EXOC4: variants seen among roughly 807,000 people sequenced by gnomAD.
EXOC4 encodes exocyst complex component 4.
A neutral mutation model predicts 107.2 loss-of-function variants in EXOC4; 71 were observed. The observed-to-expected ratio is 0.66, with a 90% CI of 0.55 to 0.81. The LOEUF (loss-of-function observed/expected upper bound fraction) is 0.81. EXOC4 is among the 30% of genes least tolerant of loss of function. EXOC4 has a pLI of 0.00. For missense variants in EXOC4, 1,108 were observed against 1,189.6 expected (o/e 0.93, Z 1.01); for synonymous variants, 456 against 441.2 (o/e 1.03, Z -0.42).
At chr7:133,528,825 A>G (rs1200403471) in intron 9 of EXOC4, among the ~76,000 whole-genome samples, 1 of 152,152 alleles carries the variant, frequency 6.6e-6, no homozygotes, top group Non-Finnish European at 1.5e-5. Context: ...TGAATGTGCA[A>G]GGGTTTTTTT....
chr7:134,026,297 G>A (rs190146258), intron 17 of EXOC4, among the ~76,000 whole-genome samples: 26 of 151,522 alleles, frequency 1.7e-4, no homozygotes, highest in African/African-American at 6.3e-4. Context: ...ACTCATAGCT[G>A]GAAATCTTAG....
chr7:133,485,035 G>A (rs956663256), intron 9 of EXOC4, among the ~76,000 whole-genome samples: 21 of 142,156 alleles, frequency 1.5e-4, no homozygotes, highest in African/African-American at 3.5e-4. Context: ...AGCCGAGATC[G>A]CGCCACTGTA....
intron 11 of EXOC4, among the ~76,000 whole-genome samples, chr7:133,869,131 G>A (rs902476828): frequency 1.3e-4 from 19 of 151,838 alleles, no homozygotes; most frequent in African/African-American, 4.6e-4. Context: ...AGCACTCAGG[G>A]TCATGATGAA....
chr7:133,497,362 C>G (rs1799497166), intron 9 of EXOC4, among the ~76,000 whole-genome samples: 1 of 151,774 alleles, frequency 6.6e-6, no homozygotes, highest in South Asian at 2.1e-4. Flanking sequence ...TAGGCTAGCT[C>G]TCTTGTTGTA....
At chr7:133,551,079 T>C (rs1190819021) in intron 9 of EXOC4, among the ~76,000 whole-genome samples, 2 of 152,122 alleles carry the variant, frequency 1.3e-5, no homozygotes, top group Non-Finnish European at 2.9e-5. Flanking sequence ...TCCCACACTA[T>C]TCTAAGCCAG....
chr7:133,465,763 C>A (rs912519541), intron 7 of EXOC4, among the ~76,000 whole-genome samples: 1 of 152,070 alleles, frequency 6.6e-6, no homozygotes, highest in African/African-American at 2.4e-5. Flanking sequence ...GGAAATAAGA[C>A]AACAAACTTC....
intron 7 of EXOC4, among the ~76,000 whole-genome samples, chr7:133,450,283 G>A (rs1798312429): frequency 6.6e-6 from 1 of 151,940 alleles, no homozygotes; most frequent in African/African-American, 2.4e-5. Flanking sequence ...CCTGCCTCAG[G>A]CTCCTTGAGT....
chr7:133,898,416 C>T (rs902729736), intron 12 of EXOC4, among the ~76,000 whole-genome samples: 6 of 152,062 alleles, frequency 3.9e-5, no homozygotes, highest in Admixed American at 1.3e-4. Flanking sequence ...ACCAACGTCT[C>T]ATCTACCAAA....
chr7:133,896,701 C>T (rs1056151265), intron 12 of EXOC4, among the ~76,000 whole-genome samples: 4 of 149,284 alleles, frequency 2.7e-5, no homozygotes, highest in Admixed American at 6.6e-5. Flanking sequence ...GAGTCTCGCT[C>T]TGTTGCCAGG....
chr7:133,413,719 G>C (rs1168878287), intron 7 of EXOC4, among the ~76,000 whole-genome samples: 7 of 152,094 alleles, frequency 4.6e-5, no homozygotes, highest in Admixed American at 4.6e-4. Context: ...TTGCACTATA[G>C]GTCAAACCAG....
chr7:133,405,525 G>T (rs1309963140), intron 7 of EXOC4, among the ~76,000 whole-genome samples: 1 of 152,030 alleles, frequency 6.6e-6, no homozygotes, highest in Non-Finnish European at 1.5e-5. Context: ...ACCACATTAA[G>T]GTGGTATTTG....
intron 7 of EXOC4, among the ~76,000 whole-genome samples, chr7:133,435,968 C>T (rs1797961283): frequency 6.7e-6 from 1 of 148,986 alleles, no homozygotes; most frequent in Admixed American, 6.7e-5. Flanking sequence ...CTTTTTTCCT[C>T]TTAATTTGTT....
intron 17 of EXOC4, among the ~76,000 whole-genome samples, chr7:134,016,352 A>G (rs1273198712): frequency 6.6e-6 from 1 of 152,208 alleles, no homozygotes; most frequent in East Asian, 1.9e-4. Context: ...AAGACCCAAA[A>G]GGGCATGAGA....
At chr7:133,543,434 G>T (rs928288187) in intron 9 of EXOC4, among the ~76,000 whole-genome samples, 56 of 151,860 alleles carry the variant, frequency 3.7e-4, no homozygotes, top group African/African-American at 1.3e-3. Context: ...TATACTGTGG[G>T]CATTTTTTCC....
At chr7:133,652,239 A>G (rs1235466886) in intron 10 of EXOC4, among the ~76,000 whole-genome samples, 3 of 152,176 alleles carry the variant, frequency 2.0e-5, no homozygotes, top group East Asian at 1.9e-4. Context: ...ATGAATTGTT[A>G]TTACTTTCAC....
chr7:133,524,252 G>C (rs1800036659), intron 9 of EXOC4, among the ~76,000 whole-genome samples: 1 of 31,060 alleles, frequency 3.2e-5, no homozygotes, highest in Non-Finnish European at 6.2e-5. Flanking sequence ...CTTTTGAGAA[G>C]TGTCTGTTCA....
At chr7:133,772,605 ACAT>A (rs1796267163) in intron 10 of EXOC4, among the ~76,000 whole-genome samples, 1 of 152,042 alleles carries the variant, frequency 6.6e-6, no homozygotes, top group African/African-American at 2.4e-5. Context: ...CTTTTATCAA[ACAT>A]CATTATAACA....
chr7:133,797,370 C>T lies in EXOC4; in HGVS notation c.1515-19955C>T, dbSNP rs114714484. On this transcript the variant is annotated intron_variant, in intron 10 of 17. Coordinates refer to ENST00000253861, the MANE Select transcript of EXOC4 (RefSeq NM_021807.4). ...ATGATAATTCAAAAAAAAATTAAAG[C>T]GATTCTGCCCAAGTAGTATCATTAG... Among the ~76,000 whole-genome samples the T allele has an allele frequency of 2.4e-3, 358 of 152,166 alleles. 5 individuals are homozygous for T. Among genetic ancestry groups the T allele is most frequent in the African/African-American group, 8.0e-3 (332 of 41,520 alleles).
intron 7 of EXOC4, among the ~76,000 whole-genome samples, chr7:133,434,654 AACCAAGT>A (rs967929856): frequency 1.8e-4 from 27 of 152,156 alleles, no homozygotes; most frequent in African/African-American, 6.5e-4. Context: ...AAAAATCGGA[AACCAAGT>A]ACCATACACC....
Sources: gnomAD v4.1 joint callset for allele counts (sites outside exome capture counted in the v4.1 genomes callset) on GRCh38, gnomAD v4.1.1 for gene constraint, MANE v1.5 for transcripts, NCBI Gene and HGNC (gene_info 2026-07-23, HGNC 2026-07-21) for gene names.